CSMD1: variants seen among roughly 807,000 people sequenced by gnomAD.
CSMD1 encodes the protein CUB and Sushi multiple domains 1.
In CSMD1, 213 loss-of-function variants were observed where a neutral mutation model predicts 417.5. The ratio of observed to expected loss-of-function variants is 0.51; its 90% CI spans 0.46 to 0.57. The LOEUF (loss-of-function observed/expected upper bound fraction) is 0.57. Ranked by LOEUF, CSMD1 falls within the 20% of genes least tolerant of loss-of-function variation. The probability of loss-of-function intolerance (pLI) is 0.00; values close to 1 mark genes in which losing one functional copy is unlikely to be tolerated. For missense variants in CSMD1, 6,923 were observed against 4,529.7 expected, an observed-to-expected ratio of 1.53 and a Z score of -15.17; for synonymous variants, 2,862 against 1,736.8, an observed-to-expected ratio of 1.65 and a Z score of -16.11.
At chr8:3,664,849 C>T (rs1434779747) in intron 7 of CSMD1, among the ~76,000 whole-genome samples, 2 of 152,142 alleles carry the variant, frequency 1.3e-5, no homozygotes, top group East Asian at 3.8e-4. Context: ...GCAGTAAAGC[C>T]AGACATCATA....
chr8:4,600,041 G>C (rs1050495380), intron 2 of CSMD1, among the ~76,000 whole-genome samples: 38 of 152,150 alleles, frequency 2.5e-4, no homozygotes, highest in African/African-American at 8.7e-4. Context: ...CAGATCAGTA[G>C]GTACCCACCA....
At chr8:3,351,574 G>C (rs1263686820) in intron 21 of CSMD1, among the ~76,000 whole-genome samples, 3 of 148,472 alleles carry the variant, frequency 2.0e-5, no homozygotes, top group Non-Finnish European at 3.0e-5. Context: ...TTCAGCCTGG[G>C]CGACACAGTG....
intron 6 of CSMD1, among the ~76,000 whole-genome samples, chr8:3,744,925 A>C (rs150988180): frequency 6.6e-6 from 1 of 152,292 alleles, no homozygotes; most frequent in African/African-American, 2.4e-5. Context: ...CCTGAAGCAG[A>C]CTGAGGTTTC....
intron 1 of CSMD1, among the ~76,000 whole-genome samples, chr8:4,903,005 T>C (rs866128508): frequency 8.0e-6 from 1 of 124,802 alleles, no homozygotes; most frequent in Non-Finnish European, 1.6e-5. Flanking sequence ...ATAAATAATA[T>C]TAATAATAAA....
intron 3 of CSMD1, among the ~76,000 whole-genome samples, chr8:4,166,425 G>C (rs990874613): frequency 2.6e-5 from 4 of 152,216 alleles, no homozygotes; most frequent in East Asian, 1.9e-4. Flanking sequence ...CACAATAATA[G>C]CCATAACATA....
intron 5 of CSMD1, among the ~76,000 whole-genome samples, chr8:3,949,449 G>A (rs572688729): frequency 4.1e-4 from 62 of 152,206 alleles, no homozygotes; most frequent in African/African-American, 1.5e-3. Flanking sequence ...ACAATTTAAG[G>A]AAAAGGATAC....
chr8:4,427,574 T>A (rs1797636513), intron 2 of CSMD1, among the ~76,000 whole-genome samples: 1 of 152,082 alleles, frequency 6.6e-6, no homozygotes, highest in Non-Finnish European at 1.5e-5. Flanking sequence ...CAGATTAAAA[T>A]GTCCGCCATC....
chr8:3,509,562 C>T (rs1796976421), intron 10 of CSMD1, among the ~76,000 whole-genome samples: 2 of 152,068 alleles, frequency 1.3e-5, no homozygotes, highest in South Asian at 2.1e-4. Context: ...TATTCAATTC[C>T]AATTTTCTAT....
At chr8:2,955,517 C>G in intron 64 of CSMD1, 72 bp downstream of exon 64, 4 of 1,497,058 alleles carry the variant, frequency 2.7e-6, no homozygotes, top group Non-Finnish European at 3.7e-6. Context: ...CACGTGGACA[C>G]TAGCCTGATG....
At chr8:4,007,996 G>A (rs1219167228) in intron 4 of CSMD1, among the ~76,000 whole-genome samples, 1 of 152,192 alleles carries the variant, frequency 6.6e-6, no homozygotes, top group Non-Finnish European at 1.5e-5. Context: ...ATTCATAATT[G>A]TAGCAATCCA....
At chr8:3,159,472 C>G (rs557334484) in intron 38 of CSMD1, among the ~76,000 whole-genome samples, 71 of 152,266 alleles carry the variant, frequency 4.7e-4, no homozygotes, top group African/African-American at 1.7e-3. Flanking sequence ...ATGGCAGCCC[C>G]TGAATCACAC....
chr8:4,498,697 C>G (rs1185271615), intron 2 of CSMD1, among the ~76,000 whole-genome samples: 5 of 152,100 alleles, frequency 3.3e-5, no homozygotes, highest in African/African-American at 1.2e-4. Context: ...CTTTGTGGTT[C>G]CAGACAGTTA....
At chr8:4,250,815 C>G (rs1015958581) in intron 3 of CSMD1, among the ~76,000 whole-genome samples, 1 of 152,148 alleles carries the variant, frequency 6.6e-6, no homozygotes, top group African/African-American at 2.4e-5. Flanking sequence ...CTTAATTGTA[C>G]TGGTTGAAAT....
At chr8:4,208,025 G>A (rs1416509405) in intron 3 of CSMD1, among the ~76,000 whole-genome samples, 2 of 152,068 alleles carry the variant, frequency 1.3e-5, no homozygotes, top group East Asian at 1.9e-4. Flanking sequence ...TCCAACAGTA[G>A]GAGAATATGT....
chr8:4,043,032 T>G (rs1373991369), intron 3 of CSMD1, among the ~76,000 whole-genome samples: 1 of 151,784 alleles, frequency 6.6e-6, no homozygotes, highest in Non-Finnish European at 1.5e-5. Context: ...CTTGGGAGGT[T>G]GAAGCAGGAG....
chr8:4,538,982 T>C (rs921387258), intron 2 of CSMD1, among the ~76,000 whole-genome samples: 1 of 152,202 alleles, frequency 6.6e-6, no homozygotes, highest in Non-Finnish European at 1.5e-5. Flanking sequence ...TCAGTTCTAA[T>C]CTCAGCCAAA....
intron 3 of CSMD1, among the ~76,000 whole-genome samples, chr8:4,212,889 A>T (rs1275307549): frequency 6.6e-6 from 1 of 151,568 alleles, no homozygotes; most frequent in Admixed American, 6.6e-5. Context: ...ACAACAGTTT[A>T]GAGGCTGAGC....
At chr8:3,045,008 G>A (rs2128985598) in intron 50 of CSMD1, among the ~76,000 whole-genome samples, 1 of 152,184 alleles carries the variant, frequency 6.6e-6, no homozygotes, top group African/African-American at 2.4e-5. Context: ...TAAATTAAGT[G>A]AACAAAAACA....
At chr8:4,640,408 G>A (rs199558104) in intron 1 of CSMD1, among the ~76,000 whole-genome samples, 1 of 152,278 alleles carries the variant, frequency 6.6e-6, no homozygotes, top group East Asian at 1.9e-4. Context: ...TTAAAGCAGT[G>A]TTTGATTGGT....
Sources: gnomAD v4.1 joint callset for allele counts (sites outside exome capture counted in the v4.1 genomes callset) on GRCh38, gnomAD v4.1.1 for gene constraint, MANE v1.5 for transcripts, NCBI Gene and HGNC (gene_info 2026-07-23, HGNC 2026-07-21) for gene names.